Variants in PRRC2B observed in about 807,000 individuals in gnomAD.
PRRC2B encodes proline rich coiled-coil 2B.
Under a neutral mutation model 242.3 loss-of-function variants are expected in PRRC2B, and 68 were observed. The ratio of observed to expected loss-of-function variants is 0.28; its 90% confidence interval spans 0.23 to 0.34. The LOEUF (loss-of-function observed/expected upper bound fraction) is 0.34. PRRC2B is among the 10% of genes least tolerant of loss of function. The pLI, the probability that PRRC2B is intolerant of heterozygous loss-of-function variation, is 1.00. For synonymous variants in PRRC2B, 1,228 were observed against 1,173.6 expected (o/e 1.05, Z -0.95); for missense variants, 2,835 against 2,954.8 (o/e 0.96, Z 0.94).
chr9:131,382,947 G>GC (rs1836779813), intron 1 of PRRC2B, among the ~76,000 whole-genome samples: 1 of 151,996 alleles, frequency 6.6e-6, no homozygotes, highest in African/African-American at 2.4e-5. Context: ...ACCCAGCCAG[G>GC]CCCCCCATTC....
At chr9:131,382,151 G>A (rs1472055740) in intron 1 of PRRC2B, among the ~76,000 whole-genome samples, 1 of 152,122 alleles carries the variant, frequency 6.6e-6, no homozygotes, top group African/African-American at 2.4e-5. Context: ...CAAGTAGCTG[G>A]GATTACAGGC....
Position 131,475,175 on chromosome 9 carries a change from G to A in PRRC2B, c.3046G>A (p.Glu1016Lys), listed in dbSNP as rs970229901. 17 of 1,613,330 alleles carry A rather than the reference G, an allele frequency of 1.1e-5. No individual in the cohort carries two copies. The highest frequency in any genetic ancestry group is 5.3e-5 in the African/African-American group (4 of 74,918). Residue 1016 changes from glutamate (E) to lysine (K), a missense_variant, in exon 16 of 32, where the codon GAG becomes AAG. Physicochemically the swap from Glu to Lys is moderately conservative, Grantham distance 56. Around this residue, in one of 7 missense-constraint regions of PRRC2B, gnomAD observed 1,536 missense variants for 1,483.1 expected, o/e 1.04. Coordinates refer to ENST00000683519, the MANE Select transcript of PRRC2B (RefSeq NM_013318.4). Reference protein sequence around the residue: ...KGPGHATFGREATKFEEEEKP... With the variant: ...KGPGHATFGRKATKFEEEEKP... ...CCCTGGCCATGCCACTTTTGGCCGC[G>A]AGGCCACCAAATTTGAAGAGGAGGA... is the stretch of plus-strand genomic sequence containing the variant.
chr9:131,420,449 T>C (rs1248437068), intron 1 of PRRC2B, among the ~76,000 whole-genome samples: 4 of 70,608 alleles, frequency 5.7e-5, no homozygotes, highest in Non-Finnish European at 1.2e-4. Context: ...CTTTTTCTTT[T>C]TCTTTTTCTT....
chr9:131,458,378 CT>C (rs1401387948), intron 10 of PRRC2B, among the ~76,000 whole-genome samples: 1 of 152,166 alleles, frequency 6.6e-6, no homozygotes, highest in Non-Finnish European at 1.5e-5. Context: ...AGTGTCCAAT[CT>C]TTTGGCTTCC....
chr9:131,385,516 C>T (rs1836814909), intron 1 of PRRC2B, among the ~76,000 whole-genome samples: 1 of 150,368 alleles, frequency 6.7e-6, no homozygotes. Flanking sequence ...CTGCTGGATT[C>T]TTCTAGTCCT....
At position 131,484,695 on chromosome 9, in the gene PRRC2B, A is replaced by T; in HGVS notation, c.5470A>T (p.Thr1824Ser). 6.2e-7 allele frequency: 1 copy of T among 1,610,206 alleles called. No homozygotes were observed. Among genetic ancestry groups the T allele is most frequent in the Non-Finnish European group, 8.5e-7 (1 of 1,178,086 alleles). ...TTTTCCTCCTCTCCAGGCAGGGTTA[A>T]CACAGAGTATCCCCATCCTGCGGCG... ...QDALASNAGL[T>S]QSIPILRRDH... is the part of the protein sequence containing the mutation. Residue 1824 changes from threonine (T) to serine (S), a missense_variant, in exon 24 of 32, where the codon ACA (threonine) becomes TCA (serine). This residue lies in a region of PRRC2B where 574 missense variants were observed against 626.0 expected (regional missense o/e 0.92). Transcript: ENST00000683519.
chr9:131,407,836 C>T (rs553012108), intron 1 of PRRC2B, among the ~76,000 whole-genome samples: 1 of 152,280 alleles, frequency 6.6e-6, no homozygotes, highest in East Asian at 1.9e-4. Context: ...TCTCACTTCA[C>T]CTCTGAGCCT....
chr9:131,443,138 TA>T (rs112631055), intron 5 of PRRC2B, among the ~76,000 whole-genome samples: 1,036 of 68,846 alleles, frequency 0.015, 12 homozygotes, highest in Middle Eastern at 0.065. Context: ...TTTATTTTAT[TA>T]TTTTTTTTTT....
In PRRC2B at chr9:131,475,146, A is replaced by G. The variant is rs1943653099; in HGVS notation, c.3017A>G (p.Lys1006Arg). 1.2e-6 allele frequency: 2 copies of G among 1,613,136 alleles called. No individual in the cohort carries two copies. The highest frequency in any genetic ancestry group is 2.2e-5 in the East Asian group (1 of 44,866). Reference sequence around the variant, plus strand: ...TCCTCCACCACCACTTTGGAGGACAAAGGCCCTGGCCATGCCACTTTTGGC... The same window carrying G: ...TCCTCCACCACCACTTTGGAGGACAGAGGCCCTGGCCATGCCACTTTTGGC... ...ANSSTTTLED[K>R]GPGHATFGRE... The change falls in exon 16 of 32, where the codon AAA (lysine) becomes AGA (arginine). Residue 1006 changes from lysine (K) to arginine (R), a missense_variant. Lys to Arg is a conservative substitution (Grantham distance 26). Transcript: ENST00000683519.
At chr9:131,426,527 C>A (rs1837982005) in intron 1 of PRRC2B, among the ~76,000 whole-genome samples, 1 of 152,150 alleles carries the variant, frequency 6.6e-6, no homozygotes, top group East Asian at 1.9e-4. Flanking sequence ...GGGACAGCAA[C>A]TCCCTGGACC....
intron 1 of PRRC2B, among the ~76,000 whole-genome samples, chr9:131,428,383 G>A (rs553144212): frequency 1.8e-3 from 273 of 151,890 alleles, no homozygotes; most frequent in African/African-American, 6.1e-3. Context: ...ACCATGCCCT[G>A]CTAATTATTT....
chr9:131,425,342 CCTT>C (rs1449150825), intron 1 of PRRC2B, among the ~76,000 whole-genome samples: 2 of 151,972 alleles, frequency 1.3e-5, no homozygotes, highest in African/African-American at 2.4e-5. Flanking sequence ...ATGAATCAAA[CCTT>C]CTCAGAGAAG....
chr9:131,396,666 G>A (rs1412638006), intron 1 of PRRC2B, among the ~76,000 whole-genome samples: 1 of 152,088 alleles, frequency 6.6e-6, no homozygotes, highest in Non-Finnish European at 1.5e-5. Context: ...TCTCTTGGTT[G>A]ATGGAACTGT....
chr9:131,485,859 A>G (rs1235408136), intron 25 of PRRC2B: 3 of 732,128 alleles, frequency 4.1e-6, no homozygotes, highest in Admixed American at 1.8e-5. Context: ...CCCTCCTCCT[A>G]GGTCTGACGC....
chr9:131,481,755 T>A lies in PRRC2B; in HGVS notation c.4930T>A (p.Ser1644Thr). The change falls in exon 20 of 32, where the codon TCC becomes ACC. Residue 1644 changes from serine (S) to threonine (T), a missense_variant. Around this residue, in one of 7 missense-constraint regions of PRRC2B, gnomAD observed 1,536 missense variants for 1,483.1 expected, o/e 1.04. Transcript: ENST00000683519. ...CCCTGTGCAGGCCCCAGCCAACGAC[T>A]CCTGGAGGAAAGCTGTCACTGCCTT... ...ALPVQAPAND[S>T]WRKAVTAFSS... 1 of 1,566,444 alleles carries A rather than the reference T, an allele frequency of 6.4e-7. No individual in the cohort carries two copies. Among genetic ancestry groups the A allele is most frequent in the East Asian group, 2.4e-5 (1 of 41,988 alleles).
At chr9:131,425,175 G>A (rs1377958171) in intron 1 of PRRC2B, among the ~76,000 whole-genome samples, 2 of 152,006 alleles carry the variant, frequency 1.3e-5, no homozygotes, top group Non-Finnish European at 2.9e-5. Flanking sequence ...TAGTATAGAC[G>A]GGGTTTCACC....
intron 10 of PRRC2B, among the ~76,000 whole-genome samples, chr9:131,458,957 G>A (rs1042790089): frequency 6.6e-6 from 1 of 152,188 alleles, no homozygotes; most frequent in Admixed American, 6.5e-5. Context: ...GACATATCGT[G>A]CCTGGGGCTC....
chr9:131,473,591 C>A lies in PRRC2B; in HGVS notation c.2191C>A (p.Gln731Lys). Reference sequence around the variant, plus strand: ...GGATCAGAACTGTGTGCCCCCACTCCAAGAAAGAAAAGTGACCCCCATCGA... The same window carrying A: ...GGATCAGAACTGTGTGCCCCCACTCAAAGAAAGAAAAGTGACCCCCATCGA... ...SEDQNCVPPL[Q>K]ERKVTPIDSP... The change falls in exon 15 of 32, where the codon CAA (glutamine) becomes AAA (lysine). Residue 731 changes from glutamine (Q) to lysine (K), a missense_variant. Transcript: ENST00000683519. 6.2e-7 allele frequency: 1 copy of A among 1,612,292 alleles called. No homozygotes were observed. Among genetic ancestry groups the A allele is most frequent in the Non-Finnish European group, 8.5e-7 (1 of 1,179,240 alleles).
rs1267097847 is a variant in PRRC2B, at chr9:131,498,292, T to C, written c.*2418T>C. Reference sequence around the variant, plus strand: ...TAGGTGAAAAAAAAAGAAGTAAATGTTTCACTGCTCTATTTATATATAATG... The same window carrying C: ...TAGGTGAAAAAAAAAGAAGTAAATGCTTCACTGCTCTATTTATATATAATG... On this transcript the variant is annotated 3_prime_UTR_variant, in exon 32 of 32. Coordinates refer to ENST00000683519, the MANE Select transcript of PRRC2B (RefSeq NM_013318.4). 1 of 152,142 alleles carries C rather than the reference T, an allele frequency of 6.6e-6. No homozygotes were observed. The highest frequency in any genetic ancestry group is 2.4e-5 in the African/African-American group (1 of 41,436). 9.4% of individuals were successfully genotyped at this position (152,142 alleles called of 1,614,324 possible).
Sources: gnomAD v4.1 joint callset for allele counts (sites outside exome capture counted in the v4.1 genomes callset) on GRCh38, gnomAD v4.1.1 for gene constraint, gnomAD v4.1.1 regional missense constraint, MANE v1.5 for transcripts, NCBI Gene and HGNC (gene_info 2026-07-23, HGNC 2026-07-21) for gene names.